Variants in MALRD1 observed in about 807,000 individuals in gnomAD.
MALRD1 encodes the protein MAM and LDL receptor class A domain containing 1.
Under a neutral mutation model 242.1 loss-of-function variants are expected in MALRD1, and 247 were observed. The observed-to-expected ratio is 1.02, with a 90% CI of 0.92 to 1.13. MALRD1 has a LOEUF of 1.13. Ranked by LOEUF, MALRD1 falls within the 50% of genes most tolerant of loss-of-function variation. The probability of loss-of-function intolerance (pLI) is 0.00; values close to 1 mark genes in which losing one functional copy is unlikely to be tolerated. For missense variants in MALRD1, 2,989 were observed against 2,533.1 expected (o/e 1.18, Z -3.86); for synonymous variants, 995 against 866.6 (o/e 1.15, Z -2.60).
At chr10:19,447,719 A>G (rs77007612) in intron 28 of MALRD1, among the ~76,000 whole-genome samples, 1,621 of 149,058 alleles carry the variant, frequency 0.011, 28 homozygotes, top group East Asian at 0.052. Context: ...AGCCTGTAAT[A>G]TTGCTAGGAG....
chr10:19,344,341 A>G (rs932489973), intron 24 of MALRD1, among the ~76,000 whole-genome samples: 3 of 152,064 alleles, frequency 2.0e-5, no homozygotes, highest in Admixed American at 2.0e-4. Flanking sequence ...TAAAGTGTCA[A>G]ATTTGGTCAC....
Position 19,450,451 on chromosome 10 carries a change from G to T in MALRD1, c.4990G>T (p.Ala1664Ser). ...GIRTRDLGGGAAIDDIEFKNC... is the reference protein window; with the variant it reads ...GIRTRDLGGGSAIDDIEFKNC... ...CAGAACAAGGGACCTGGGAGGAGGA[G>T]CTGCAATTGATGATATTGAATTTAA... Residue 1664 changes from alanine (A) to serine (S), a missense_variant, in exon 29 of 40, where the codon GCT (alanine) becomes TCT (serine). Physicochemically the swap from Ala to Ser is moderately conservative, Grantham distance 99. Coordinates refer to ENST00000454679, the MANE Select transcript of MALRD1 (RefSeq NM_001142308.3). 6.5e-7 allele frequency: 1 copy of T among 1,550,212 alleles called. No individual in the cohort carries two copies. Among genetic ancestry groups the T allele is most frequent in the Non-Finnish European group, 8.7e-7 (1 of 1,146,850 alleles).
rs1382375551 is a variant in MALRD1, at chr10:19,283,062, G to T, written c.3300G>T (p.Trp1100Cys). ...CSFEKRSLCK[W>C]YQPIPVHLLQ... ...TTGAGAAAAGAAGCCTGTGTAAATG[G>T]TATCAACCAATCCCAGTACATTTGC... The change falls in exon 21 of 40, where the codon TGG becomes TGT. Residue 1100 changes from tryptophan (W) to cysteine (C), a missense_variant. Physicochemically the swap from Trp to Cys is radical, Grantham distance 215. Transcript: ENST00000454679. The T allele has an allele frequency of 5.8e-6, 9 of 1,549,606 alleles. No homozygotes were observed. The highest frequency in any genetic ancestry group is 7.9e-6 in the Non-Finnish European group (9 of 1,146,470).
chr10:19,328,766 T>C (rs1843240625), intron 23 of MALRD1, among the ~76,000 whole-genome samples: 1 of 152,178 alleles, frequency 6.6e-6, no homozygotes, highest in Admixed American at 6.6e-5. Flanking sequence ...ATTTAGGATA[T>C]GCATAAGAAG....
At chr10:19,260,901 G>A (rs1839716383) in intron 19 of MALRD1, among the ~76,000 whole-genome samples, 1 of 152,100 alleles carries the variant, frequency 6.6e-6, no homozygotes, top group African/African-American at 2.4e-5. Context: ...AAAGGAAGAG[G>A]CTACAATCTC....
chr10:19,135,583 C>G (rs559853296), intron 9 of MALRD1, among the ~76,000 whole-genome samples: 68 of 152,304 alleles, frequency 4.5e-4, no homozygotes, highest in African/African-American at 1.6e-3. Flanking sequence ...ATAGAACTTT[C>G]TGCCTAATGG....
At chr10:19,383,267 A>C (rs931289149) in intron 26 of MALRD1, among the ~76,000 whole-genome samples, 19 of 152,040 alleles carry the variant, frequency 1.2e-4, no homozygotes, top group African/African-American at 4.3e-4. Context: ...TATGTCCTCA[A>C]AGTTTCACTC....
chr10:19,521,088 C>T (rs1364720286), intron 31 of MALRD1, among the ~76,000 whole-genome samples: 1 of 152,088 alleles, frequency 6.6e-6, no homozygotes, highest in Non-Finnish European at 1.5e-5. Context: ...GTGAATGAAT[C>T]AGTTCATTTG....
intron 28 of MALRD1, among the ~76,000 whole-genome samples, chr10:19,416,970 AC>A (rs1833535545): frequency 6.6e-6 from 1 of 152,158 alleles, no homozygotes; most frequent in Admixed American, 6.5e-5. Context: ...ACACTTCGCT[AC>A]CTGTCACCAA....
In MALRD1 at chr10:19,502,023, AAAGAAAAG is replaced by A. The variant is rs1405619114; in HGVS notation, c.5320+3380_5320+3387del. 2.6e-4 allele frequency among the ~76,000 whole-genome samples: 29 copies of A among 113,374 alleles called. 2 individuals carry two copies. Among genetic ancestry groups the A allele is most frequent in the African/African-American group, 1.3e-3 (28 of 22,042 alleles). The allele number at this position is 113,374 out of a possible 152,430, so 74.4% of individuals were successfully genotyped here. On this transcript the variant is annotated intron_variant, in intron 31 of 39. Coordinates refer to ENST00000454679, the MANE Select transcript of MALRD1 (RefSeq NM_001142308.3). The stretch of plus-strand genomic sequence containing the variant: ...GCAAGATTCTGTCTCAAAAAAAAAA[AAAGAAAAG>A]AAAAGAAAAGAAAAGAAAAGAAGAA...
chr10:19,269,370 T>C (rs188279306), intron 19 of MALRD1, among the ~76,000 whole-genome samples: 1 of 152,368 alleles, frequency 6.6e-6, no homozygotes, highest in African/African-American at 2.4e-5. Flanking sequence ...TGCTCTCTCT[T>C]TCTATATACT....
chr10:19,129,831 T>C (rs1465649042), intron 8 of MALRD1, among the ~76,000 whole-genome samples: 1 of 149,466 alleles, frequency 6.7e-6, no homozygotes, highest in Non-Finnish European at 1.5e-5. Context: ...TCTATATGTA[T>C]GTGAGATGAC....
At chr10:19,504,533 C>A (rs1161213747) in intron 31 of MALRD1, among the ~76,000 whole-genome samples, 1 of 152,058 alleles carries the variant, frequency 6.6e-6, no homozygotes, top group Non-Finnish European at 1.5e-5. Flanking sequence ...GACCATTATT[C>A]CTGGACCCAC....
At position 19,087,895 on chromosome 10, in the gene MALRD1, C is replaced by G. The variant is rs754500466; in HGVS notation, c.396C>G (p.Ser132Arg). The G allele has an allele frequency of 3.2e-6, 4 of 1,233,174 alleles. No individual in the cohort carries two copies. Among genetic ancestry groups the G allele is most frequent in the Non-Finnish European group, 4.0e-6 (4 of 987,772 alleles). 76.4% of individuals were successfully genotyped at this position (1,233,174 alleles called of 1,614,324 possible). Residue 132 changes from serine (S) to arginine (R), a missense_variant, in exon 3 of 40, where the codon AGC becomes AGG. Transcript: ENST00000454679. Reference sequence around the variant, plus strand: ...ATTCTATTTCCTCAAGTTTAAGAAGCAGAGTTTTCCTTCCAACAAATGATC... The same window carrying G: ...ATTCTATTTCCTCAAGTTTAAGAAGGAGAGTTTTCCTTCCAACAAATGATC... ...RVDSISSSLR[S>R]RVFLPTNDQH...
rs374466949 is a variant in MALRD1, at chr10:19,320,161, A to G, written c.3420-3788A>G. Among the ~76,000 whole-genome samples, 5 of 146,768 alleles carry G rather than the reference A, an allele frequency of 3.4e-5. No homozygotes were observed. In the East Asian group the frequency reaches 6.2e-4, roughly 18 times the overall value. ...GGTGGTTAGCTGCACCTATCAACCC[A>G]TCCTCTAGGTTTTAAGCCCTGCATG... On this transcript the variant is annotated intron_variant, in intron 21 of 39. Transcript: ENST00000454679.
chr10:19,182,737 G>A (rs1835565304), intron 14 of MALRD1, among the ~76,000 whole-genome samples: 1 of 152,060 alleles, frequency 6.6e-6, no homozygotes, highest in Non-Finnish European at 1.5e-5. Flanking sequence ...CCCTACGTGA[G>A]CAGTTTAAGC....
chr10:19,600,369 T>A (rs537030772), intron 34 of MALRD1, among the ~76,000 whole-genome samples: 1 of 152,328 alleles, frequency 6.6e-6, no homozygotes, highest in South Asian at 2.1e-4. Flanking sequence ...GTGAAATCAA[T>A]ATGGTAGAGT....
intron 36 of MALRD1, among the ~76,000 whole-genome samples, chr10:19,649,735 T>A (rs1261876845): frequency 2.6e-5 from 4 of 152,204 alleles, no homozygotes; most frequent in Non-Finnish European, 5.9e-5. Flanking sequence ...TTAGTTTAGA[T>A]ACCATTGGTC....
intron 33 of MALRD1, among the ~76,000 whole-genome samples, chr10:19,581,991 C>T (rs1242099614): frequency 3.3e-5 from 5 of 152,220 alleles, no homozygotes; most frequent in African/African-American, 1.2e-4. Flanking sequence ...GCATTTTTTT[C>T]ATGTGTTTTT....
Sources: gnomAD v4.1 joint callset for allele counts (sites outside exome capture counted in the v4.1 genomes callset) on GRCh38, gnomAD v4.1.1 for gene constraint, MANE v1.5 for transcripts, NCBI Gene and HGNC (gene_info 2026-07-23, HGNC 2026-07-21) for gene names.